The following CFAP46 variants were observed in gnomAD, a reference collection of about 807,000 sequenced individuals.
CFAP46 encodes cilia and flagella associated protein 46, also known as cilia- and flagella-associated protein 46.
In CFAP46, 245 loss-of-function variants were observed where a neutral mutation model predicts 325.7. That is an observed-to-expected ratio of 0.75 (90% CI 0.68 to 0.84). The LOEUF (loss-of-function observed/expected upper bound fraction) is 0.84. Among genes scored for constraint, CFAP46 ranks in the 40% least tolerant of loss-of-function variants. CFAP46 has a pLI of 0.00. For synonymous variants in CFAP46, 1,523 were observed against 1,495.9 expected (o/e 1.02, Z -0.42); for missense variants, 3,346 against 3,543.0 (o/e 0.94, Z 1.41).
intron 54 of CFAP46, 26 bp downstream of exon 54, chr10:132,814,126 C>G (rs368381414): frequency 5.0e-6 from 8 of 1,595,482 alleles, no homozygotes; most frequent in Non-Finnish European, 6.9e-6. Context: ...ACACTGCAAA[C>G]GGCTCCTGGG....
At chr10:132,940,792 A>C (rs932753712) in intron 4 of CFAP46, among the ~76,000 whole-genome samples, 7 of 152,214 alleles carry the variant, frequency 4.6e-5, no homozygotes, top group African/African-American at 1.7e-4. Flanking sequence ...CGCCGAGTGC[A>C]AAAGAGGCTG....
chr10:132,910,453 T>C (rs11146585), intron 19 of CFAP46, among the ~76,000 whole-genome samples: 3,860 of 152,332 alleles, frequency 0.025, 66 homozygotes, highest in East Asian at 0.065. Context: ...GCCACGTGCT[T>C]TGCCTGCAGT....
intron 4 of CFAP46, among the ~76,000 whole-genome samples, chr10:132,940,443 T>C (rs1850079448): frequency 6.6e-6 from 1 of 152,078 alleles, no homozygotes; most frequent in African/African-American, 2.4e-5. Flanking sequence ...AGTGCTGGAG[T>C]CGCCTCCGCA....
In CFAP46 at chr10:132,861,872, G is replaced by A. The variant is rs148247043; in HGVS notation, c.4891-890C>T. Reference sequence around the variant, plus strand: ...GGGACAGAGGGGAGGGTGGGCTGATGAGCTGGGGCTACCCGCCGCCAGAGA... The same window carrying A: ...GGGACAGAGGGGAGGGTGGGCTGATAAGCTGGGGCTACCCGCCGCCAGAGA... On this transcript the variant is annotated intron_variant, in intron 35 of 57. Transcript: ENST00000368586. Among the ~76,000 whole-genome samples, 1,409 of 152,304 alleles carry A rather than the reference G, an allele frequency of 9.3e-3. 12 individuals are homozygous for A. The highest frequency in any genetic ancestry group is 0.043 in the South Asian group (209 of 4,830).
Position 132,847,147 on chromosome 10 carries a change from C to CG in CFAP46, c.6088-37dup. ...CAAGGCTCAGGCTCAGGCCAGGCTC[C>CG]GGGCAGAGGCCACACGAGGGGCAGG... On this transcript the variant is annotated intron_variant, in intron 42 of 57. Coordinates refer to ENST00000368586, the MANE Select transcript of CFAP46 (RefSeq NM_001200049.3). The surrounding 1 kb of genome is among the most constrained non-coding windows in gnomAD (Gnocchi z 5.2). The CG allele has an allele frequency of 6.2e-7, 1 of 1,608,076 alleles. No individual in the cohort carries two copies. The highest frequency in any genetic ancestry group is 8.5e-7 in the Non-Finnish European group (1 of 1,177,728).
intron 50 of CFAP46, among the ~76,000 whole-genome samples, chr10:132,821,426 T>C (rs1273672311): frequency 1.5e-5 from 2 of 137,150 alleles, no homozygotes; most frequent in African/African-American, 2.7e-5. Context: ...TGAGCGCTGA[T>C]GTGTGCTGTG....
At chr10:132,860,291 A>G in intron 37 of CFAP46, 126 bp downstream of exon 37, 1 of 655,324 alleles carries the variant, frequency 1.5e-6, no homozygotes, top group Non-Finnish European at 2.7e-6. Context: ...AAAGCTGTGG[A>G]TATGTGGCCC....
intron 23 of CFAP46, 116 bp from the exon 24 acceptor site, chr10:132,899,237 T>C: frequency 8.5e-7 from 1 of 1,183,354 alleles, no homozygotes; most frequent in Non-Finnish European, 1.2e-6. Context: ...CGCTCCCTCC[T>C]GGGCATGTGG....
chr10:132,814,257 G>A lies in CFAP46; in HGVS notation c.7286-3C>T. 6.2e-7 allele frequency: 1 copy of A among 1,609,268 alleles called. No individual in the cohort carries two copies. The highest frequency in any genetic ancestry group is 8.5e-7 in the Non-Finnish European group (1 of 1,175,976). On this transcript the variant is annotated splice_polypyrimidine_tract_variant and splice_region_variant and intron_variant, in intron 53 of 57. Coordinates refer to ENST00000368586, the MANE Select transcript of CFAP46 (RefSeq NM_001200049.3). ...GATGGAGACAGGAGTTAGCATTTCTGCAAGGAGAACAGGGTGGATACAGAC... is the reference window on the plus strand; with the variant it reads ...GATGGAGACAGGAGTTAGCATTTCTACAAGGAGAACAGGGTGGATACAGAC...
Position 132,893,804 on chromosome 10 carries a change from C to T in CFAP46, c.3220-1387G>A, listed in dbSNP as rs528343524. Among the ~76,000 whole-genome samples the T allele has an allele frequency of 6.6e-5, 10 of 152,372 alleles. No individual in the cohort carries two copies. In the South Asian group the frequency reaches 1.4e-3, roughly 22 times the overall value. ...TGCTCTAAGACTTGCCTCTGTCTCT[C>T]CTTCTGCTTTATGCTCCTCAGTTGA... On this transcript the variant is annotated intron_variant, in intron 24 of 57. Coordinates refer to ENST00000368586, the MANE Select transcript of CFAP46 (RefSeq NM_001200049.3).
chr10:132,812,662 A>G (rs1228859895), intron 55 of CFAP46, 123 bp downstream of exon 55: 66 of 598,086 alleles, frequency 1.1e-4, no homozygotes, highest in Admixed American at 4.1e-4. Flanking sequence ...GGTGGGGGGC[A>G]GGAGGGGGCT....
intron 19 of CFAP46, among the ~76,000 whole-genome samples, chr10:132,911,471 T>C (rs1849540065): frequency 6.6e-6 from 1 of 152,134 alleles, no homozygotes; most frequent in South Asian, 2.1e-4. Context: ...CCCGTGCCCC[T>C]GCGGAGACAC....
intron 17 of CFAP46, among the ~76,000 whole-genome samples, chr10:132,916,304 G>A (rs566009185): frequency 1.2e-4 from 19 of 152,318 alleles, no homozygotes; most frequent in East Asian, 3.9e-4. Context: ...ACGTTTCCTC[G>A]TAGTAACAGC....
At chr10:132,914,021 GCCCCCGC>G (rs1398416274) in intron 17 of CFAP46, among the ~76,000 whole-genome samples, 2 of 151,608 alleles carry the variant, frequency 1.3e-5, no homozygotes, top group African/African-American at 4.9e-5. Flanking sequence ...CAAACCTCTG[GCCCCCGC>G]CCCGAGGCTG....
chr10:132,903,768 T>C (rs1849420589), intron 22 of CFAP46, among the ~76,000 whole-genome samples: 1 of 152,168 alleles, frequency 6.6e-6, no homozygotes, highest in Non-Finnish European at 1.5e-5. Flanking sequence ...ACATAATAAA[T>C]ATATGATATG....
intron 23 of CFAP46, 125 bp from the exon 24 acceptor site, chr10:132,899,246 G>A: frequency 9.0e-7 from 1 of 1,111,740 alleles, no homozygotes; most frequent in Non-Finnish European, 1.3e-6. Context: ...CTGGGCATGT[G>A]GCTTGCTCAG....
chr10:132,819,817 T>A (rs1464346560), intron 50 of CFAP46, among the ~76,000 whole-genome samples: 1 of 152,222 alleles, frequency 6.6e-6, no homozygotes, highest in Non-Finnish European at 1.5e-5. Flanking sequence ...AAAAGCTCCT[T>A]GACTGGGTCT....
At chr10:132,899,209 A>G (rs1591079814) in intron 23 of CFAP46, 88 bp from the exon 24 acceptor site, 1 of 1,414,554 alleles carries the variant, frequency 7.1e-7, no homozygotes. Flanking sequence ...TCGGGCGCCC[A>G]GGGCCCAGCC....
Position 132,922,706 on chromosome 10 carries a change from A to G in CFAP46, c.1259T>C (p.Leu420Pro). The G allele has an allele frequency of 6.5e-7, 1 of 1,544,906 alleles. No homozygotes were observed. The highest frequency in any genetic ancestry group is 2.5e-5 in the East Asian group (1 of 40,744). ...CACTTGACAGCGGAGAAGCGTCATG[A>G]GGCTGCGGGGGTGGCGTGGCATCAG... ...VADVLEKLDSLMTLLRCQVHM... is the reference protein window; with the variant it reads ...VADVLEKLDSPMTLLRCQVHM... Residue 420 changes from leucine (L) to proline (P), a missense_variant and splice_region_variant, in exon 12 of 58, where the codon CTC (leucine) becomes CCC (proline). Transcript: ENST00000368586.
Sources: allele counts gnomAD v4.1 joint callset (sites outside exome capture counted in the v4.1 genomes callset), GRCh38; gene constraint gnomAD v4.1.1; non-coding constraint Gnocchi (gnomAD v3.1); transcripts MANE v1.5; gene names NCBI Gene and HGNC (gene_info 2026-07-23, HGNC 2026-07-21).